The following PGAP3 variants were observed in gnomAD, a reference collection of about 807,000 sequenced individuals.
PGAP3 encodes post-GPI attachment to proteins phospholipase 3.
A neutral mutation model predicts 40.3 loss-of-function variants in PGAP3; 31 were observed. The observed-to-expected ratio is 0.77, with a 90% CI of 0.58 to 1.04. The LOEUF is 1.04. PGAP3 is among the 50% of genes least tolerant of loss of function. PGAP3 has a pLI of 0.00. For missense variants in PGAP3, 413 were observed against 423.0 expected (o/e 0.98, Z 0.21); for synonymous variants, 191 against 184.5 (o/e 1.04, Z -0.29).
In PGAP3 at chr17:39,677,984, G is replaced by A. The variant is rs150376144; in HGVS notation, c.433-3305C>T. Among the ~76,000 whole-genome samples, 831 of 152,270 alleles carry A rather than the reference G, an allele frequency of 5.5e-3. 3 individuals are homozygous for A. Among genetic ancestry groups the A allele is most frequent in the Middle Eastern group, 0.01 (3 of 294 alleles). ...AATATGATGCCTGCTGCCATCCTGG[G>A]CTCCTCTGGAGGCCACAGTGTCTCA... On this transcript the variant is annotated intron_variant, in intron 3 of 7. Transcript: ENST00000300658.
chr17:39,684,741 G>A lies in PGAP3; in HGVS notation c.288C>T (p.Phe96=), dbSNP rs755672291. ...GCTCTTGAAAGAACAGGAACCGGGA[G>A]AAGGGCCACTGAAAAAGGAGCAGAT... ...KVPQFHGKWP[F]SRFLFFQEPA... The change falls in exon 3 of 8, where the codon TTC becomes TTT. Residue 96 remains phenylalanine (F), a synonymous_variant. Coordinates refer to ENST00000300658, the MANE Select transcript of PGAP3 (RefSeq NM_033419.5). 20 of 1,603,996 alleles carry A rather than the reference G, an allele frequency of 1.2e-5. No individual in the cohort carries two copies. Among genetic ancestry groups the A allele is most frequent in the Non-Finnish European group, 1.7e-5 (20 of 1,175,394 alleles).
chr17:39,681,854 CT>C (rs1366046461), intron 3 of PGAP3, among the ~76,000 whole-genome samples: 2 of 151,910 alleles, frequency 1.3e-5, no homozygotes, highest in Admixed American at 6.6e-5. Flanking sequence ...AAACAGACCA[CT>C]TTTTCCTGAA....
In PGAP3 at chr17:39,685,796, G is replaced by C. The variant is rs1169982746; in HGVS notation, c.279+126C>G. ...AAACCAGCAGATTTTGGGGAGAACA[G>C]GTAGCTGCCCCAAACACACACGCAT... On this transcript the variant is annotated intron_variant, in intron 2 of 7. Transcript: ENST00000300658. 9 of 788,324 alleles carry C rather than the reference G, an allele frequency of 1.1e-5. No individual in the cohort carries two copies. In the African/African-American group the frequency reaches 1.2e-4, roughly 11 times the overall value. The allele number at this position is 788,324 out of a possible 1,614,324, so 48.8% of individuals were successfully genotyped here. A position where few individuals can be genotyped will look rare whatever the true frequency, so the allele number is the denominator to read the frequency against.
intron 3 of PGAP3, among the ~76,000 whole-genome samples, chr17:39,682,620 T>C (rs1243787494): frequency 6.6e-6 from 1 of 152,174 alleles, no homozygotes; most frequent in Non-Finnish European, 1.5e-5. Context: ...CCAAGACCCA[T>C]GCCACCTCTC....
chr17:39,684,315 T>C (rs1196897740), intron 3 of PGAP3, among the ~76,000 whole-genome samples: 1 of 152,092 alleles, frequency 6.6e-6, no homozygotes, highest in African/African-American at 2.4e-5. Flanking sequence ...TAAACTGTCC[T>C]ACTGGGTCTT....
At chr17:39,677,161 C>T (rs1265260596) in intron 3 of PGAP3, among the ~76,000 whole-genome samples, 2 of 152,254 alleles carry the variant, frequency 1.3e-5, no homozygotes, top group Non-Finnish European at 2.9e-5. Flanking sequence ...ATGATGCTCA[C>T]TGCACAGGAG....
At chr17:39,678,923 C>G (rs912881015) in intron 3 of PGAP3, among the ~76,000 whole-genome samples, 1 of 152,082 alleles carries the variant, frequency 6.6e-6, no homozygotes, top group Non-Finnish European at 1.5e-5. Context: ...CTTCTACCAC[C>G]CCAACATCTA....
intron 1 of PGAP3, among the ~76,000 whole-genome samples, chr17:39,686,555 ATT>A (rs35277523): frequency 7.1e-5 from 7 of 98,496 alleles, no homozygotes; most frequent in Non-Finnish European, 5.8e-5. Flanking sequence ...CGCACCCGGC[ATT>A]TTTTTTTTTT....
chr17:39,676,121 G>C (rs567782807), intron 3 of PGAP3, among the ~76,000 whole-genome samples: 4 of 152,318 alleles, frequency 2.6e-5, no homozygotes, highest in Non-Finnish European at 5.9e-5. Context: ...CTGCACAACA[G>C]GACTGAACCT....
At chr17:39,678,144 C>T (rs2057398015) in intron 3 of PGAP3, among the ~76,000 whole-genome samples, 2 of 152,192 alleles carry the variant, frequency 1.3e-5, no homozygotes, top group Admixed American at 6.5e-5. Flanking sequence ...ATTGCCTGTT[C>T]CACTAGCTCT....
chr17:39,678,077 C>A (rs948990323), intron 3 of PGAP3, among the ~76,000 whole-genome samples: 1 of 152,132 alleles, frequency 6.6e-6, no homozygotes. Context: ...GAGGTGGATG[C>A]GGATGGGAGA....
chr17:39,673,351 CG>C (rs2145097989), intron 6 of PGAP3, 96 bp from the exon 7 acceptor site: 1 of 1,555,454 alleles, frequency 6.4e-7, no homozygotes, highest in East Asian at 2.3e-5. Flanking sequence ...GGATCATCCT[CG>C]GACTCTCCTC....
chr17:39,678,689 T>G (rs1022105032), intron 3 of PGAP3, among the ~76,000 whole-genome samples: 4 of 152,068 alleles, frequency 2.6e-5, no homozygotes, highest in Non-Finnish European at 5.9e-5. Context: ...AAGGCCCAGG[T>G]CAAAGTCCAC....
intron 3 of PGAP3, among the ~76,000 whole-genome samples, chr17:39,674,901 C>T (rs962852719): frequency 2.0e-5 from 3 of 152,164 alleles, no homozygotes; most frequent in Non-Finnish European, 4.4e-5. Context: ...CCCAAGGCCA[C>T]GGGGGGCTGC....
chr17:39,688,026 G>A lies in PGAP3; in HGVS notation c.-12C>T, dbSNP rs1249674543. 1.2e-5 allele frequency: 16 copies of A among 1,383,312 alleles called. No individual in the cohort carries two copies. The highest frequency in any genetic ancestry group is 1.1e-5 in the Non-Finnish European group (12 of 1,052,132). The allele number at this position is 1,383,312 out of a possible 1,614,324, so 85.7% of individuals were successfully genotyped here. A position where few individuals can be genotyped will look rare whatever the true frequency, so the allele number is the denominator to read the frequency against. On this transcript the variant is annotated 5_prime_UTR_variant, in exon 1 of 8. Transcript: ENST00000300658. Reference sequence around the variant, plus strand: ...GCCAGGCCGGCCATCCTTTCTCCCTGGCTCGCCGCCGGGGGAGGAGCTTAG... The same window carrying A: ...GCCAGGCCGGCCATCCTTTCTCCCTAGCTCGCCGCCGGGGGAGGAGCTTAG...
At chr17:39,686,905 G>T (rs1352916433) in intron 1 of PGAP3, among the ~76,000 whole-genome samples, 1 of 152,100 alleles carries the variant, frequency 6.6e-6, no homozygotes, top group Non-Finnish European at 1.5e-5. Flanking sequence ...TATAGGATTT[G>T]CTCTTACTCT....
chr17:39,687,785 G>A (rs771987436), intron 1 of PGAP3, 49 bp downstream of exon 1: 19 of 1,297,986 alleles, frequency 1.5e-5, no homozygotes, highest in Non-Finnish European at 1.8e-5. Flanking sequence ...GGGCGCAGGG[G>A]GCGGGAGCAA....
intron 3 of PGAP3, among the ~76,000 whole-genome samples, chr17:39,680,357 CT>C (rs1335006468): frequency 1.3e-5 from 2 of 152,150 alleles, no homozygotes; most frequent in East Asian, 3.9e-4. Context: ...ATGTAAAGTG[CT>C]TCAGACAAGC....
intron 3 of PGAP3, among the ~76,000 whole-genome samples, chr17:39,684,124 C>CAAAAAAAAAAA (rs58205601): frequency 1.6e-5 from 1 of 64,396 alleles, no homozygotes; most frequent in Admixed American, 1.8e-4. Context: ...GACTCTGTCT[C>CAAAAAAAAAAA]AAAAAAAAAA....
Sources: allele counts gnomAD v4.1 joint callset (sites outside exome capture counted in the v4.1 genomes callset), GRCh38; gene constraint gnomAD v4.1.1; transcripts MANE v1.5; gene names NCBI Gene and HGNC (gene_info 2026-07-23, HGNC 2026-07-21).